The following FBXO42 variants were observed in gnomAD, a reference collection of about 807,000 sequenced individuals.
The protein encoded by FBXO42 is F-box protein 42, also known as F-box only protein 42.
FBXO42 carries 12 observed loss-of-function variants against 71.7 expected under a neutral mutation model. The ratio of observed to expected loss-of-function variants is 0.17; its 90% CI spans 0.11 to 0.27. The LOEUF (loss-of-function observed/expected upper bound fraction) is 0.27. FBXO42 is among the 10% of genes least tolerant of loss of function. FBXO42 has a pLI of 1.00. For missense variants in FBXO42, 707 were observed against 911.9 expected, an observed-to-expected ratio of 0.78 and a Z score of 2.89; for synonymous variants, 325 against 327.5, an observed-to-expected ratio of 0.99 and a Z score of 0.08.
chr1:16,258,576 C>T (rs925423374), intron 4 of FBXO42, among the ~76,000 whole-genome samples: 1 of 152,070 alleles, frequency 6.6e-6, no homozygotes, highest in African/African-American at 2.4e-5. Context: ...AGACTGGTCT[C>T]GAACTCATGG....
chr1:16,329,215 G>A (rs1275924968), intron 1 of FBXO42, among the ~76,000 whole-genome samples: 1 of 149,776 alleles, frequency 6.7e-6, no homozygotes, highest in African/African-American at 2.5e-5. Flanking sequence ...AAGGGGCAAA[G>A]GAGGCAGATG....
At chr1:16,317,597 A>ACAAG (rs952112055) in intron 1 of FBXO42, among the ~76,000 whole-genome samples, 2 of 139,118 alleles carry the variant, frequency 1.4e-5, no homozygotes, top group African/African-American at 5.4e-5. Context: ...TCCATCTCAA[A>ACAAG]CAAGCAAACA....
chr1:16,285,089 T>C (rs2082008157), intron 4 of FBXO42, among the ~76,000 whole-genome samples: 1 of 151,626 alleles, frequency 6.6e-6, no homozygotes, highest in African/African-American at 2.4e-5. Flanking sequence ...GAGGCTGCAG[T>C]GAGCCGAGAT....
intron 4 of FBXO42, among the ~76,000 whole-genome samples, chr1:16,280,127 C>T (rs1432832236): frequency 6.6e-6 from 1 of 152,252 alleles, no homozygotes; most frequent in East Asian, 1.9e-4. Context: ...GGATTATAGG[C>T]GTGAGCCACC....
intron 2 of FBXO42, among the ~76,000 whole-genome samples, chr1:16,312,143 G>C (rs1281901085): frequency 2.0e-5 from 3 of 152,126 alleles, no homozygotes; most frequent in African/African-American, 7.2e-5. Flanking sequence ...AAAATCATTT[G>C]AGCTTAGGAG....
At chr1:16,342,151 C>A (rs1224525288) in intron 1 of FBXO42, among the ~76,000 whole-genome samples, 1 of 151,814 alleles carries the variant, frequency 6.6e-6, no homozygotes, top group African/African-American at 2.4e-5. Context: ...AATCCCAGCA[C>A]TTTGGGAGGC....
At chr1:16,258,090 T>C (rs909555063) in intron 4 of FBXO42, among the ~76,000 whole-genome samples, 1 of 152,182 alleles carries the variant, frequency 6.6e-6, no homozygotes, top group Non-Finnish European at 1.5e-5. Context: ...TACATTAACC[T>C]GACAGCAGTC....
At chr1:16,264,941 C>T (rs964916759) in intron 4 of FBXO42, among the ~76,000 whole-genome samples, 1 of 152,150 alleles carries the variant, frequency 6.6e-6, no homozygotes, top group Non-Finnish European at 1.5e-5. Flanking sequence ...AGTTCCAAAT[C>T]CTAGTTTGAT....
chr1:16,334,742 T>C (rs1297615224), intron 1 of FBXO42, among the ~76,000 whole-genome samples: 4 of 152,090 alleles, frequency 2.6e-5, no homozygotes, highest in Non-Finnish European at 5.9e-5. Flanking sequence ...TGCTGTAAAC[T>C]ACAAATCAGA....
chr1:16,320,078 C>T (rs1017546244), intron 1 of FBXO42, among the ~76,000 whole-genome samples: 2 of 151,084 alleles, frequency 1.3e-5, no homozygotes, highest in African/African-American at 2.4e-5. Context: ...AACGTACAGT[C>T]GCCGAGCATG....
chr1:16,320,903 G>C (rs2082405296), intron 1 of FBXO42, among the ~76,000 whole-genome samples: 1 of 152,104 alleles, frequency 6.6e-6, no homozygotes, highest in African/African-American at 2.4e-5. Flanking sequence ...GACTTTGGCT[G>C]CATGGTTGAC....
intron 4 of FBXO42, among the ~76,000 whole-genome samples, chr1:16,275,140 C>A (rs150958158): frequency 5.3e-5 from 8 of 152,214 alleles, no homozygotes; most frequent in African/African-American, 1.9e-4. Context: ...TAGCAAGAAA[C>A]ATTCTGAGAT....
At chr1:16,333,466 A>T (rs2082522669) in intron 1 of FBXO42, among the ~76,000 whole-genome samples, 1 of 143,828 alleles carries the variant, frequency 7.0e-6, no homozygotes, top group Admixed American at 6.9e-5. Context: ...AGAAGAAAAA[A>T]AAAATGCTAG....
intron 1 of FBXO42, among the ~76,000 whole-genome samples, chr1:16,326,683 CAA>C (rs397860543): frequency 1.3e-3 from 135 of 103,056 alleles, no homozygotes; most frequent in African/African-American, 2.5e-3. Context: ...AACCCTGTCT[CAA>C]AAAAAAAAAA....
At chr1:16,316,910 A>G (rs2082372284) in intron 1 of FBXO42, among the ~76,000 whole-genome samples, 1 of 152,178 alleles carries the variant, frequency 6.6e-6, no homozygotes, top group Non-Finnish European at 1.5e-5. Flanking sequence ...ATTGTGGTAC[A>G]TTCGCCATGA....
intron 1 of FBXO42, among the ~76,000 whole-genome samples, chr1:16,324,923 G>T (rs552308321): frequency 1.7e-4 from 26 of 152,244 alleles, no homozygotes; most frequent in African/African-American, 4.8e-4. Flanking sequence ...AACTTAAACT[G>T]ATATCCTTTG....
intron 4 of FBXO42, among the ~76,000 whole-genome samples, chr1:16,270,159 T>C (rs2081824625): frequency 6.6e-6 from 1 of 152,076 alleles, no homozygotes; most frequent in African/African-American, 2.4e-5. Flanking sequence ...CCCAGCCACT[T>C]TCTCTTCTTA....
chr1:16,323,739 G>A (rs371977812), intron 1 of FBXO42, among the ~76,000 whole-genome samples: 21 of 143,392 alleles, frequency 1.5e-4, no homozygotes, highest in African/African-American at 3.7e-4. Context: ...GCAGTGAGCC[G>A]AGATCGTACC....
At chr1:16,283,400 G>C (rs1280628754) in intron 4 of FBXO42, among the ~76,000 whole-genome samples, 1 of 151,280 alleles carries the variant, frequency 6.6e-6, no homozygotes, top group African/African-American at 2.4e-5. Flanking sequence ...AATGTGGTGG[G>C]AAAATCAACT....
Sources: gnomAD v4.1 joint callset for allele counts (sites outside exome capture counted in the v4.1 genomes callset) on GRCh38, gnomAD v4.1.1 for gene constraint, MANE v1.5 for transcripts, NCBI Gene and HGNC (gene_info 2026-07-23, HGNC 2026-07-21) for gene names.